The following TRIM49 variants were observed in gnomAD, a reference collection of about 807,000 sequenced individuals.
TRIM49 encodes the protein tripartite motif containing 49.
Under a neutral mutation model 27.4 loss-of-function variants are expected in TRIM49, and 5 were observed. That is an observed-to-expected ratio of 0.18 (90% CI 0.10 to 0.38). The LOEUF (loss-of-function observed/expected upper bound fraction) is 0.38, where lower values mean the gene tolerates loss of function less well. TRIM49 is among the 10% of genes least tolerant of loss of function. The probability of loss-of-function intolerance (pLI) is 1.00; values close to 1 mark genes in which losing one functional copy is unlikely to be tolerated. For missense variants in TRIM49, 188 were observed against 487.5 expected (o/e 0.39, Z 5.79); for synonymous variants, 69 against 166.0 (o/e 0.42, Z 4.49).
the TRIM49 span, among the ~76,000 whole-genome samples, chr11:89,773,938 A>G: frequency 1.5e-5 from 2 of 136,754 alleles, 1 homozygote; most frequent in Non-Finnish European, 3.0e-5. Flanking sequence ...TACCGTCTCA[A>G]AAGAAAAAAA....
Position 89,806,045 on chromosome 11 carries a change from T to C in TRIM49, c.-5+1054A>G, listed in dbSNP as rs189145069. 1.8e-3 allele frequency among the ~76,000 whole-genome samples: 274 copies of C among 150,594 alleles called. 1 individual carries two copies. The highest frequency in any genetic ancestry group is 2.7e-3 in the Non-Finnish European group (184 of 67,864). ...CGGCGGTTTCATTGTTTTAATATGA[T>C]AGAATATACCACACAAATCTAGATG... On this transcript the variant is annotated intron_variant, in intron 2 of 7. Coordinates refer to ENST00000329758, the MANE Select transcript of TRIM49 (RefSeq NM_020358.2).
the TRIM49 span, among the ~76,000 whole-genome samples, chr11:89,779,741 T>TA: frequency 3.9e-3 from 449 of 115,884 alleles, 7 homozygotes; most frequent in Non-Finnish European, 6.6e-3. Context: ...GAGTTTACAC[T>TA]AAAAAAAAAT....
downstream of TRIM49, among the ~76,000 whole-genome samples, chr11:89,793,724 G>A (rs1176857439): frequency 1.3e-5 from 2 of 151,916 alleles, no homozygotes; most frequent in African/African-American, 4.8e-5. Context: ...GGTATTGATG[G>A]GACGTATCTC....
chr11:89,806,221 A>G lies in TRIM49; in HGVS notation c.-5+878T>C, dbSNP rs866610762. ...ATCTAAACATAATTGAATACAGAAA[A>G]GGTACAGTAAACATATTGGTATTAT... On this transcript the variant is annotated intron_variant, in intron 2 of 7. Coordinates refer to ENST00000329758, the MANE Select transcript of TRIM49 (RefSeq NM_020358.2). Among the ~76,000 whole-genome samples the G allele has an allele frequency of 7.3e-5, 11 of 151,024 alleles. 1 individual carries two copies. Among genetic ancestry groups the G allele is most frequent in the East Asian group, 1.9e-4 (1 of 5,160 alleles).
chr11:89,770,161 C>G, the TRIM49 span, among the ~76,000 whole-genome samples: 2 of 112,124 alleles, frequency 1.8e-5, no homozygotes, highest in Admixed American at 1.6e-4. Context: ...GCACTTGTCT[C>G]TGGTCTCCAT....
intron 2 of TRIM49, among the ~76,000 whole-genome samples, 193 bp from the exon 3 acceptor site, chr11:89,804,666 A>G (rs1289062132): frequency 6.6e-6 from 1 of 151,658 alleles, no homozygotes; most frequent in Non-Finnish European, 1.5e-5. Context: ...AGATATTACT[A>G]ACCAGAGGAC....
In TRIM49 at chr11:89,798,475, C is replaced by T. The variant is rs749740938; in HGVS notation, c.1014G>A (p.Ser338=). The T allele has an allele frequency of 1.7e-5, 27 of 1,592,646 alleles. No homozygotes were observed. Among genetic ancestry groups the T allele is most frequent in the Admixed American group, 5.2e-5 (3 of 57,880 alleles). ...FLAWGVQTFT[S]GKYYWEVHVG... ...CATGGACCTCCCAGTAATATTTGCC[C>T]GAGGTGAAAGTCTGAACACCCCATG... Residue 338 remains serine, a synonymous_variant, in exon 8 of 8, where the codon TCG becomes TCA. Transcript: ENST00000329758.
intron 4 of TRIM49, among the ~76,000 whole-genome samples, chr11:89,802,541 C>G (rs550237198): frequency 6.6e-6 from 1 of 151,004 alleles, no homozygotes; most frequent in East Asian, 1.9e-4. Context: ...ATGCTGTTCT[C>G]TCCAACTAGA....
At position 89,798,322 on chromosome 11, in the gene TRIM49, G is replaced by T. The variant is rs143812880; in HGVS notation, c.1167C>A (p.Cys389Ter). 20 of 1,572,820 alleles carry T rather than the reference G, an allele frequency of 1.3e-5. 1 individual carries two copies. The African/African-American group carries it at 1.4e-4, about 11-fold the overall frequency. ...LLGCVKNDIQ[C>*]SLFTTSPLML... Reference sequence around the variant, plus strand: ...TAAGTGGGGAGGTGGTAAAGAGACTGCATTGAATGTCATTCTTAACACACC... The same window carrying T: ...TAAGTGGGGAGGTGGTAAAGAGACTTCATTGAATGTCATTCTTAACACACC... Residue 389 changes from cysteine (C) to a stop codon, truncating the protein, a stop_gained, in exon 8 of 8, where the codon TGC becomes TGA. Transcript: ENST00000329758. LOFTEE classifies it low-confidence loss of function (END_TRUNC).
At chr11:89,778,347 A>G in the TRIM49 span, among the ~76,000 whole-genome samples, 1 of 151,708 alleles carries the variant, frequency 6.6e-6, no homozygotes, top group Non-Finnish European at 1.5e-5. Flanking sequence ...GAGTAAAAAT[A>G]TAGTAAAAGT....
chr11:89,784,337 GA>G, the TRIM49 span, among the ~76,000 whole-genome samples: 1 of 103,614 alleles, frequency 9.7e-6, no homozygotes, highest in East Asian at 3.0e-4. Context: ...CTGAGGGTTA[GA>G]TGGCAAGAAA....
chr11:89,787,159 A>G, the TRIM49 span: 39,280 of 195,550 alleles, frequency 0.2, 1,281 homozygotes, highest in East Asian at 0.35. Context: ...AGGGCTCCAA[A>G]AACTGCCTGC....
chr11:89,787,117 G>C, the TRIM49 span: 4,877 of 174,936 alleles, frequency 0.028, 621 homozygotes, highest in African/African-American at 0.13. Context: ...AGCTTGAGCT[G>C]CCTCCGCTCC....
At chr11:89,793,492 C>T (rs1328721907), downstream of TRIM49, among the ~76,000 whole-genome samples, 3 of 149,768 alleles carry the variant, frequency 2.0e-5, no homozygotes, top group Non-Finnish European at 4.5e-5. Flanking sequence ...CAATAAAATA[C>T]TGACAAACAG....
chr11:89,785,962 G>A, the TRIM49 span: 27 of 140,372 alleles, frequency 1.9e-4, 3 homozygotes, highest in African/African-American at 7.9e-4. Flanking sequence ...CTGCTGGCTG[G>A]GACTCGGCCG....
intron 2 of TRIM49, among the ~76,000 whole-genome samples, chr11:89,805,555 C>T (rs1464100066): frequency 4.0e-5 from 6 of 151,750 alleles, no homozygotes; most frequent in Non-Finnish European, 5.9e-5. Context: ...GCCAGGATAC[C>T]GGTATTCTCA....
At position 89,801,700 on chromosome 11, in the gene TRIM49, AC is replaced by A; in HGVS notation, c.738+1del. The A allele has an allele frequency of 1.8e-6, 1 of 541,478 alleles. No homozygotes were observed. The highest frequency in any genetic ancestry group is 3.1e-6 in the Non-Finnish European group (1 of 322,408). 33.5% of individuals were successfully genotyped at this position (541,478 alleles called of 1,614,324 possible). On this transcript the variant is annotated splice_donor_variant, in intron 5 of 7. Coordinates refer to ENST00000329758, the MANE Select transcript of TRIM49 (RefSeq NM_020358.2). LOFTEE classifies it high-confidence loss of function. ...ACCTGAAACCACATGGCGAGTTTTTACCTGAAGTAGCTCCACATCTGGTTTA... is the reference window on the plus strand; with the variant it reads ...ACCTGAAACCACATGGCGAGTTTTTACTGAAGTAGCTCCACATCTGGTTTA...
chr11:89,783,652 G>T, the TRIM49 span, among the ~76,000 whole-genome samples: 3 of 142,682 alleles, frequency 2.1e-5, no homozygotes, highest in African/African-American at 8.3e-5. Flanking sequence ...TAAGCATAAA[G>T]TGGTATAAAC....
the TRIM49 span, chr11:89,785,976 G>A: frequency 7.2e-6 from 1 of 139,424 alleles, no homozygotes; most frequent in East Asian, 2.1e-4. Context: ...TCGGCCGCAG[G>A]GTGGCGGGGC....
Sources: allele counts gnomAD v4.1 joint callset (sites outside exome capture counted in the v4.1 genomes callset), GRCh38; gene constraint gnomAD v4.1.1; transcripts MANE v1.5; gene names NCBI Gene and HGNC (gene_info 2026-07-23, HGNC 2026-07-21).